The following CFAP20DC variants were observed in gnomAD, a reference collection of about 807,000 sequenced individuals.
The protein encoded by CFAP20DC is CFAP20 domain containing.
In CFAP20DC, 84 loss-of-function variants were observed where a neutral mutation model predicts 101.7. The ratio of observed to expected loss-of-function variants is 0.83; its 90% CI spans 0.69 to 0.99. The LOEUF (loss-of-function observed/expected upper bound fraction) is 0.99. Ranked by LOEUF, CFAP20DC falls within the 50% of genes least tolerant of loss-of-function variation. The probability of loss-of-function intolerance (pLI) is 0.00; values close to 1 mark genes in which losing one functional copy is unlikely to be tolerated. For missense variants in CFAP20DC, 1,007 were observed against 970.3 expected, an observed-to-expected ratio of 1.04 and a Z score of -0.50; for synonymous variants, 359 against 351.2, an observed-to-expected ratio of 1.02 and a Z score of -0.25.
chr3:58,834,674 T>C (rs1394183582), intron 13 of CFAP20DC, among the ~76,000 whole-genome samples: 1 of 152,114 alleles, frequency 6.6e-6, no homozygotes, highest in African/African-American at 2.4e-5. Flanking sequence ...TTCTTCATCA[T>C]GGGGACCACA....
At chr3:58,900,224 G>T (rs2083033639) in intron 6 of CFAP20DC, among the ~76,000 whole-genome samples, 1 of 152,192 alleles carries the variant, frequency 6.6e-6, no homozygotes. Flanking sequence ...TGTTAGCCTG[G>T]AAGTGAATGA....
At chr3:58,941,996 T>C (rs2088673045) in intron 4 of CFAP20DC, among the ~76,000 whole-genome samples, 1 of 152,260 alleles carries the variant, frequency 6.6e-6, no homozygotes, top group African/African-American at 2.4e-5. Flanking sequence ...AGTATGATGT[T>C]AGAGCGTAGT....
chr3:58,759,059 G>A (rs571443699), intron 15 of CFAP20DC, among the ~76,000 whole-genome samples: 392 of 152,288 alleles, frequency 2.6e-3, no homozygotes, highest in Middle Eastern at 0.01. Flanking sequence ...ACCCAGTAAT[G>A]GGATGGTTGG....
intron 4 of CFAP20DC, among the ~76,000 whole-genome samples, chr3:58,994,011 G>A (rs961411633): frequency 6.6e-6 from 1 of 152,132 alleles, no homozygotes; most frequent in Non-Finnish European, 1.5e-5. Flanking sequence ...TCATGACACT[G>A]TCTTCCACAA....
At chr3:58,885,145 AT>A (rs2081518710) in intron 6 of CFAP20DC, among the ~76,000 whole-genome samples, 1 of 152,144 alleles carries the variant, frequency 6.6e-6, no homozygotes, top group African/African-American at 2.4e-5. Context: ...GGGTAAATTA[AT>A]TTTTTAACTT....
intron 6 of CFAP20DC, among the ~76,000 whole-genome samples, chr3:58,901,142 G>C (rs2083110271): frequency 6.6e-6 from 1 of 152,178 alleles, no homozygotes; most frequent in South Asian, 2.1e-4. Context: ...CTTTAGTTAT[G>C]TGGAATTTCA....
chr3:58,830,654 T>G (rs1244865930), intron 14 of CFAP20DC, among the ~76,000 whole-genome samples: 2 of 152,218 alleles, frequency 1.3e-5, no homozygotes, highest in Admixed American at 1.3e-4. Context: ...AATCTTTATA[T>G]AGTTATATAT....
chr3:58,874,212 ATGCTT>A lies in CFAP20DC; in HGVS notation c.716-3908_716-3904del, dbSNP rs1324289242. ...TTTGAAAAGTCAGAATCTAGGTGTCATGCTTGACACCTTCCCCTGATCTCTCCATA... is the reference window on the plus strand; with the variant it reads ...TTTGAAAAGTCAGAATCTAGGTGTCAGACACCTTCCCCTGATCTCTCCATA... On this transcript the variant is annotated intron_variant, in intron 7 of 16. Transcript: ENST00000482387. This position sits in a 1 kb window ranked among gnomAD's most constrained non-coding sequence, Gnocchi z 5.1. Among the ~76,000 whole-genome samples, 2 of 152,166 alleles carry A rather than the reference ATGCTT, an allele frequency of 1.3e-5. No individual in the cohort carries two copies. Among genetic ancestry groups the A allele is most frequent in the Non-Finnish European group, 2.9e-5 (2 of 68,024 alleles).
At chr3:58,762,844 T>G (rs1303511737) in intron 15 of CFAP20DC, among the ~76,000 whole-genome samples, 1 of 152,242 alleles carries the variant, frequency 6.6e-6, no homozygotes, top group Admixed American at 6.5e-5. Flanking sequence ...ATTATTTTCT[T>G]TAATAATGTT....
intron 4 of CFAP20DC, among the ~76,000 whole-genome samples, chr3:59,010,417 T>C (rs183026451): frequency 2.0e-4 from 31 of 152,146 alleles, no homozygotes; most frequent in Admixed American, 4.6e-4. Context: ...TATTCTTTTA[T>C]CAGACAAAAC....
At chr3:58,997,123 G>A (rs1346160072) in intron 4 of CFAP20DC, among the ~76,000 whole-genome samples, 4 of 152,206 alleles carry the variant, frequency 2.6e-5, no homozygotes, top group Non-Finnish European at 5.9e-5. Flanking sequence ...AGACAAGGAC[G>A]CTGTCTTTAG....
chr3:58,987,376 A>G (rs1364944001), intron 4 of CFAP20DC, among the ~76,000 whole-genome samples: 4 of 152,118 alleles, frequency 2.6e-5, no homozygotes, highest in Admixed American at 2.6e-4. Context: ...CTAAATGTAT[A>G]GCCTTAAATT....
At chr3:58,946,414 C>T (rs1274454987) in intron 4 of CFAP20DC, among the ~76,000 whole-genome samples, 2 of 152,126 alleles carry the variant, frequency 1.3e-5, no homozygotes, top group African/African-American at 2.4e-5. Flanking sequence ...CCCAACCCAG[C>T]CCCCAGTGTT....
chr3:58,863,478 C>T lies in CFAP20DC; in HGVS notation c.1593+80G>A, dbSNP rs1467546438. 6.5e-7 allele frequency: 1 copy of T among 1,547,628 alleles called. No homozygotes were observed. Among genetic ancestry groups the T allele is most frequent in the Non-Finnish European group, 8.7e-7 (1 of 1,148,362 alleles). On this transcript the variant is annotated intron_variant, in intron 12 of 16. Coordinates refer to ENST00000482387, the MANE Select transcript of CFAP20DC (RefSeq NM_001394063.1). This position sits in a 1 kb window ranked among gnomAD's most constrained non-coding sequence, Gnocchi z 5.9. ...AAATAGCAGTTGATTTTCCCTCTTT[C>T]ATTTCAACTTGTTTTAGTGCTTATT... is the stretch of plus-strand genomic sequence containing the variant.
intron 15 of CFAP20DC, among the ~76,000 whole-genome samples, chr3:58,762,395 TCTCC>T (rs2069718340): frequency 6.6e-6 from 1 of 152,294 alleles, no homozygotes; most frequent in African/African-American, 2.4e-5. Context: ...GCTTGGTAGA[TCTCC>T]CTCCATCCTT....
chr3:59,041,838 G>GGGTT (rs1337175974), intron 3 of CFAP20DC, among the ~76,000 whole-genome samples: 5 of 152,034 alleles, frequency 3.3e-5, no homozygotes, highest in Non-Finnish European at 7.4e-5. Flanking sequence ...TGTAAAAACT[G>GGGTT]GGTTAATAGT....
At chr3:58,777,574 C>T (rs1376216328) in intron 15 of CFAP20DC, among the ~76,000 whole-genome samples, 2 of 152,118 alleles carry the variant, frequency 1.3e-5, no homozygotes, top group Non-Finnish European at 2.9e-5. Flanking sequence ...TATATTTTCC[C>T]AACAGAAAAA....
rs539996762 is a variant in CFAP20DC at position 58,863,274 on chromosome 3, G to A, written c.1593+284C>T. Reference sequence around the variant, plus strand: ...CTATCATAGCACTAAACTGCATATCGTTTCTCATCCTGTGATTCAAAGATT... The same window carrying A: ...CTATCATAGCACTAAACTGCATATCATTTCTCATCCTGTGATTCAAAGATT... On this transcript the variant is annotated intron_variant, in intron 12 of 16. Transcript: ENST00000482387. The surrounding 1 kb of genome is among the most constrained non-coding windows in gnomAD (Gnocchi z 5.9). 2.8e-5 allele frequency: 39 copies of A among 1,398,364 alleles called. No homozygotes were observed. Among genetic ancestry groups the A allele is most frequent in the South Asian group, 1.6e-4 (9 of 56,648 alleles). 86.6% of individuals were successfully genotyped at this position (1,398,364 alleles called of 1,614,324 possible).
chr3:58,891,917 G>A (rs967138152), intron 6 of CFAP20DC, among the ~76,000 whole-genome samples: 1 of 152,138 alleles, frequency 6.6e-6, no homozygotes, highest in South Asian at 2.1e-4. Context: ...ATCTTTGCCT[G>A]TGTCTTGTCC....
Sources: gnomAD v4.1 joint callset for allele counts (sites outside exome capture counted in the v4.1 genomes callset) on GRCh38, gnomAD v4.1.1 for gene constraint, Gnocchi (gnomAD v3.1) non-coding constraint, MANE v1.5 for transcripts, NCBI Gene and HGNC (gene_info 2026-07-23, HGNC 2026-07-21) for gene names.